CSNK1G1: variants seen among roughly 807,000 people sequenced by gnomAD.
CSNK1G1 encodes the protein casein kinase 1 gamma 1, also known as casein kinase I isoform gamma-1.
A neutral mutation model predicts 59.6 loss-of-function variants in CSNK1G1; 22 were observed. The observed-to-expected ratio is 0.37, with a 90% CI of 0.26 to 0.53. The LOEUF is 0.53. Among genes scored for constraint, CSNK1G1 ranks in the 20% least tolerant of loss-of-function variants. CSNK1G1 has a pLI of 0.89. For synonymous variants in CSNK1G1, 179 were observed against 177.1 expected, an observed-to-expected ratio of 1.01 and a Z score of -0.08; for missense variants, 384 against 519.5, an observed-to-expected ratio of 0.74 and a Z score of 2.54.
chr15:64,284,564 T>C (rs1345878968), intron 2 of CSNK1G1, among the ~76,000 whole-genome samples: 1 of 152,126 alleles, frequency 6.6e-6, no homozygotes, highest in African/African-American at 2.4e-5. Flanking sequence ...TATTTTATTC[T>C]TGATGCTAAT....
At chr15:64,334,583 G>A (rs1897279132) in intron 1 of CSNK1G1, among the ~76,000 whole-genome samples, 1 of 152,284 alleles carries the variant, frequency 6.6e-6, no homozygotes, top group East Asian at 1.9e-4. Context: ...TGCAAGTGAT[G>A]GGAGACTCTG....
intron 4 of CSNK1G1, among the ~76,000 whole-genome samples, chr15:64,232,596 T>C (rs773470546): frequency 4.6e-5 from 7 of 152,160 alleles, no homozygotes; most frequent in Non-Finnish European, 7.4e-5. Flanking sequence ...TTACCTCCCT[T>C]CTAAATGATT....
chr15:64,250,693 C>T (rs1327936244), intron 4 of CSNK1G1, among the ~76,000 whole-genome samples: 3 of 151,952 alleles, frequency 2.0e-5, no homozygotes, highest in Admixed American at 2.0e-4. Context: ...TGCAGTGAGC[C>T]GTGATCGTGC....
intron 2 of CSNK1G1, among the ~76,000 whole-genome samples, 154 bp from the exon 3 acceptor site, chr15:64,259,395 T>C (rs1426282249): frequency 1.3e-5 from 2 of 151,344 alleles, no homozygotes; most frequent in Admixed American, 6.6e-5. Flanking sequence ...ACAGAGATAA[T>C]GAGATCTAGC....
intron 10 of CSNK1G1, among the ~76,000 whole-genome samples, chr15:64,184,545 C>T (rs1405600756): frequency 6.6e-6 from 1 of 151,092 alleles, no homozygotes; most frequent in Admixed American, 6.6e-5. Context: ...GGCGTGGTGG[C>T]GGGCGCCTGT....
intron 3 of CSNK1G1, among the ~76,000 whole-genome samples, chr15:64,253,015 C>G (rs141666423): frequency 7.8e-4 from 118 of 152,244 alleles, no homozygotes; most frequent in African/African-American, 2.6e-3. Context: ...TAAGACCAGC[C>G]TGGGCAACAC....
chr15:64,171,846 A>G lies in CSNK1G1; in HGVS notation c.*85T>C. Reference sequence around the variant, plus strand: ...GGATATCCACCCTCCCCCAAAGAGGAGTCCCTTCCAATGAGAAATGGCAGG... The same window carrying G: ...GGATATCCACCCTCCCCCAAAGAGGGGTCCCTTCCAATGAGAAATGGCAGG... On this transcript the variant is annotated 3_prime_UTR_variant, in exon 12 of 12. Coordinates refer to ENST00000303052, the MANE Select transcript of CSNK1G1 (RefSeq NM_022048.5). The surrounding 1 kb of genome is among the most constrained non-coding windows in gnomAD (Gnocchi z 4.8). The G allele has an allele frequency of 8.6e-7, 1 of 1,158,688 alleles. No individual in the cohort carries two copies. The highest frequency in any genetic ancestry group is 1.7e-5 in the Admixed American group (1 of 58,608). 71.8% of individuals were successfully genotyped at this position (1,158,688 alleles called of 1,614,324 possible).
Position 64,188,512 on chromosome 15 carries a change from G to A in CSNK1G1, c.1108-8058C>T. 6.7e-7 allele frequency: 1 copy of A among 1,484,482 alleles called. No homozygotes were observed. The highest frequency in any genetic ancestry group is 9.1e-7 in the Non-Finnish European group (1 of 1,100,936). The allele number at this position is 1,484,482 out of a possible 1,614,324, so 92.0% of individuals were successfully genotyped here. ...TGCTTAGGCGTTAGAAAGCATGAGA[G>A]CAAGATATGGAAGGAAAGGTGAAGC... On this transcript the variant is annotated intron_variant, in intron 10 of 11. Coordinates refer to ENST00000303052, the MANE Select transcript of CSNK1G1 (RefSeq NM_022048.5). The surrounding 1 kb of genome is among the most constrained non-coding windows in gnomAD (Gnocchi z 4.2).
intron 2 of CSNK1G1, chr15:64,265,664 A>T: frequency 2.7e-5 from 8 of 298,326 alleles, no homozygotes; most frequent in South Asian, 2.4e-4. Flanking sequence ...AATAGCTTTA[A>T]AAAAAAAAAA....
At chr15:64,233,919 T>C (rs536274327) in intron 4 of CSNK1G1, among the ~76,000 whole-genome samples, 27 of 152,226 alleles carry the variant, frequency 1.8e-4, no homozygotes, top group Non-Finnish European at 3.8e-4. Context: ...ACACTGGACT[T>C]AAGCTACAAC....
chr15:64,289,098 T>C (rs1465178422), intron 2 of CSNK1G1, among the ~76,000 whole-genome samples: 1 of 151,312 alleles, frequency 6.6e-6, no homozygotes, highest in Non-Finnish European at 1.5e-5. Context: ...GAGAATCACT[T>C]GAACCCAGGA....
At position 64,214,239 on chromosome 15, in the gene CSNK1G1, T is replaced by A. The variant is rs1315064432; in HGVS notation, c.445-115A>T. The A allele has an allele frequency of 2.0e-5, 15 of 767,890 alleles. No individual in the cohort carries two copies. In the Admixed American group the frequency reaches 3.6e-4, roughly 19 times the overall value. 47.6% of individuals were successfully genotyped at this position (767,890 alleles called of 1,614,324 possible). On this transcript the variant is annotated intron_variant, in intron 5 of 11. Transcript: ENST00000303052. This position sits in a 1 kb window ranked among gnomAD's most constrained non-coding sequence, Gnocchi z 4.3. The stretch of plus-strand genomic sequence containing the variant: ...ATTATTGAAATAACAGTAAAATTCA[T>A]CTCCTTTCACCGCCCTGAGTCACTT...
At chr15:64,319,597 G>A (rs1896451359) in intron 1 of CSNK1G1, among the ~76,000 whole-genome samples, 1 of 152,120 alleles carries the variant, frequency 6.6e-6, no homozygotes. Context: ...CCAGGCTGGA[G>A]TGCAGTGGCA....
chr15:64,335,580 A>G (rs905704822), intron 1 of CSNK1G1, among the ~76,000 whole-genome samples: 10 of 152,334 alleles, frequency 6.6e-5, no homozygotes, highest in Middle Eastern at 3.4e-3. Context: ...AAGAATCAGT[A>G]TATTTCTTTC....
intron 1 of CSNK1G1, among the ~76,000 whole-genome samples, chr15:64,346,371 C>A (rs1338453758): frequency 2.7e-5 from 4 of 149,574 alleles, no homozygotes; most frequent in South Asian, 2.1e-4. Context: ...ATAAAAAATT[C>A]TTGAAGATAA....
intron 1 of CSNK1G1, among the ~76,000 whole-genome samples, chr15:64,305,784 A>ACAC (rs1010057077): frequency 6.6e-6 from 1 of 151,510 alleles, no homozygotes; most frequent in Non-Finnish European, 1.5e-5. Flanking sequence ...AAAAAAAAAA[A>ACAC]ACACAAATAA....
rs1439777221 is a variant in CSNK1G1 at position 64,308,960 on chromosome 15, C to G, written c.-224-8237G>C. On this transcript the variant is annotated intron_variant, in intron 1 of 11. Coordinates refer to ENST00000303052, the MANE Select transcript of CSNK1G1 (RefSeq NM_022048.5). ...CAGATCTGGCACTTGCTTACCTCTT[C>G]CGCTTAATTTCTGTTTAACTGTTCC... Among the ~76,000 whole-genome samples the G allele has an allele frequency of 2.6e-5, 4 of 151,974 alleles. No homozygotes were observed. In the East Asian group the frequency reaches 7.7e-4, roughly 29 times the overall value.
At chr15:64,319,439 G>C (rs1896443857) in intron 1 of CSNK1G1, among the ~76,000 whole-genome samples, 1 of 150,792 alleles carries the variant, frequency 6.6e-6, no homozygotes, top group South Asian at 2.1e-4. Flanking sequence ...TTCCAAAAAT[G>C]CTTTGAGTAG....
intron 4 of CSNK1G1, among the ~76,000 whole-genome samples, chr15:64,220,567 G>T (rs1004509190): frequency 4.6e-5 from 7 of 151,038 alleles, no homozygotes; most frequent in African/African-American, 1.7e-4. Context: ...CATGATCTTA[G>T]ATCAGTGCAA....
Sources: gnomAD v4.1 joint callset for allele counts (sites outside exome capture counted in the v4.1 genomes callset) on GRCh38, gnomAD v4.1.1 for gene constraint, Gnocchi (gnomAD v3.1) non-coding constraint, MANE v1.5 for transcripts, NCBI Gene and HGNC (gene_info 2026-07-23, HGNC 2026-07-21) for gene names.